DNAH7: variants seen among roughly 807,000 people sequenced by gnomAD.
DNAH7 encodes the protein axonemal beta dynein heavy chain 7.
In DNAH7, 397 loss-of-function variants were observed where a neutral mutation model predicts 444.6. The observed-to-expected ratio is 0.89, with a 90% CI of 0.82 to 0.97. The LOEUF is 0.97. DNAH7 is among the 50% of genes least tolerant of loss of function. DNAH7 has a pLI of 0.00. For synonymous variants in DNAH7, 1,636 were observed against 1,624.4 expected, an observed-to-expected ratio of 1.01 and a Z score of -0.17; for missense variants, 4,902 against 4,800.8, an observed-to-expected ratio of 1.02 and a Z score of -0.62.
intron 42 of DNAH7, among the ~76,000 whole-genome samples, chr2:195,860,328 G>T (rs545557959): frequency 2.0e-4 from 30 of 152,018 alleles, no homozygotes; most frequent in African/African-American, 7.0e-4. Context: ...ATCTCCAAGA[G>T]CTTTTGATCC....
In DNAH7 at chr2:195,906,730, G is replaced by A. The variant is rs168192; in HGVS notation, c.4264C>T (p.Pro1422Ser). 3 of 1,613,168 alleles carry A rather than the reference G, an allele frequency of 1.9e-6. No individual in the cohort carries two copies. The highest frequency in any genetic ancestry group is 2.5e-6 in the Non-Finnish European group (3 of 1,179,510). The change falls in exon 27 of 65, where the codon CCC becomes TCC. Residue 1422 changes from proline (P) to serine (S), a missense_variant. Pro to Ser is a moderately conservative substitution (Grantham distance 74). Coordinates refer to ENST00000312428, the MANE Select transcript of DNAH7 (RefSeq NM_018897.3). ...ATTGTTATAAAGACAGCACATGTGG[G>A]GTCAAGTTTTAGTTCAGTTCCTTCA... ...MFEGTELKLD[P>S]TCAVFITMNP...
chr2:195,749,416 C>G (rs10931710), intron 63 of DNAH7, among the ~76,000 whole-genome samples: 107,227 of 151,256 alleles, frequency 0.71, 38,112 homozygotes, highest in Non-Finnish European at 0.73. Context: ...TTGTGGAAGT[C>G]AGTGTGGCGA....
At chr2:195,920,898 G>A (rs573280575) in intron 24 of DNAH7, among the ~76,000 whole-genome samples, 29 of 152,208 alleles carry the variant, frequency 1.9e-4, no homozygotes, top group African/African-American at 6.7e-4. Flanking sequence ...ACAAAAAGTG[G>A]GTTATGGACA....
intron 57 of DNAH7, among the ~76,000 whole-genome samples, chr2:195,791,971 G>T (rs1695896346): frequency 6.6e-6 from 1 of 152,100 alleles, no homozygotes; most frequent in African/African-American, 2.4e-5. Flanking sequence ...TTTGAGACCA[G>T]CCTGGCCAAC....
At chr2:195,769,923 C>T (rs1254291820) in intron 61 of DNAH7, among the ~76,000 whole-genome samples, 5 of 152,202 alleles carry the variant, frequency 3.3e-5, no homozygotes, top group Admixed American at 1.3e-4. Context: ...TCTAACAACT[C>T]GACCTCCCCA....
intron 61 of DNAH7, among the ~76,000 whole-genome samples, chr2:195,758,678 A>C (rs969950761): frequency 2.6e-5 from 4 of 152,042 alleles, no homozygotes; most frequent in Non-Finnish European, 5.9e-5. Context: ...GCTGATGCCA[A>C]CCCTCCTCCA....
In DNAH7 at chr2:195,809,779, C is replaced by G. The variant is rs758676549; in HGVS notation, c.9854G>C (p.Cys3285Ser). The change falls in exon 52 of 65, where the codon TGT becomes TCT. Residue 3285 changes from cysteine (C) to serine (S), a missense_variant. Physicochemically the swap from Cys to Ser is moderately radical, Grantham distance 112 (BLOSUM62 -1). Transcript: ENST00000312428. ...FEKDKLLFSF[C>S]LTINLLLHER... ...ATGCAGCAGTAGATTTATGGTTAGA[C>G]AAAAGGAAAAGAGCAGCTTATCCTT... The G allele has an allele frequency of 6.3e-7, 1 of 1,598,020 alleles. No homozygotes were observed. The highest frequency in any genetic ancestry group is 8.5e-7 in the Non-Finnish European group (1 of 1,171,590).
chr2:195,999,904 G>A (rs540960750), intron 12 of DNAH7, among the ~76,000 whole-genome samples: 1 of 152,204 alleles, frequency 6.6e-6, no homozygotes, highest in Non-Finnish European at 1.5e-5. Flanking sequence ...CAAGTAGTAA[G>A]CCTATTTTTC....
At chr2:195,929,495 A>G in intron 21 of DNAH7, among the ~76,000 whole-genome samples, 1 of 152,228 alleles carries the variant, frequency 6.6e-6, no homozygotes, top group East Asian at 1.9e-4. Context: ...ATCATATCCA[A>G]CACAGCATGG....
intron 47 of DNAH7, among the ~76,000 whole-genome samples, chr2:195,836,459 T>G (rs1423663909): frequency 6.6e-6 from 1 of 151,404 alleles, no homozygotes. Flanking sequence ...ATTGTGTCAC[T>G]GTACTCCAGC....
At chr2:196,049,149 T>C (rs2125856370) in intron 3 of DNAH7, among the ~76,000 whole-genome samples, 1 of 152,292 alleles carries the variant, frequency 6.6e-6, no homozygotes, top group African/African-American at 2.4e-5. Flanking sequence ...CCCTTTCAAA[T>C]CCAAACCAAC....
At chr2:195,828,212 T>C (rs1265898131) in intron 48 of DNAH7, among the ~76,000 whole-genome samples, 1 of 152,206 alleles carries the variant, frequency 6.6e-6, no homozygotes, top group Non-Finnish European at 1.5e-5. Context: ...TTCCCCATTG[T>C]CTTAAGGTAT....
intron 15 of DNAH7, among the ~76,000 whole-genome samples, chr2:195,980,564 A>C (rs913543271): frequency 2.0e-5 from 3 of 152,224 alleles, no homozygotes; most frequent in African/African-American, 4.8e-5. Flanking sequence ...AAAATAGAAA[A>C]CTTTAAGATA....
chr2:196,061,367 A>G (rs12472050), intron 1 of DNAH7, among the ~76,000 whole-genome samples: 73,257 of 151,884 alleles, frequency 0.48, 20,310 homozygotes, highest in South Asian at 0.64. Flanking sequence ...CCCCACTCCT[A>G]TATTTGATTT....
chr2:195,977,903 C>T (rs1692308477), intron 15 of DNAH7, among the ~76,000 whole-genome samples: 4 of 152,108 alleles, frequency 2.6e-5, no homozygotes, highest in African/African-American at 9.7e-5. Flanking sequence ...GTGAAAATAT[C>T]CTTCAAACAT....
At chr2:195,999,750 A>T (rs73987651) in intron 12 of DNAH7, among the ~76,000 whole-genome samples, 3,838 of 152,264 alleles carry the variant, frequency 0.025, 151 homozygotes, top group African/African-American at 0.087. Flanking sequence ...AAAAAATTGG[A>T]AACTCAATGA....
chr2:195,970,204 T>A, intron 16 of DNAH7, 110 bp from the exon 17 acceptor site: 1 of 990,716 alleles, frequency 1.0e-6, no homozygotes, highest in Non-Finnish European at 1.4e-6. Context: ...TTGTCACTGG[T>A]AAAACATAAA....
chr2:195,864,188 G>A lies in DNAH7; in HGVS notation c.7467C>T (p.Phe2489=), dbSNP rs545278630. ...TGGTACAGCAGTTAACAAGAGCAGG[G>A]AACTTTCTAAGACGATTCCGAAATG... is the stretch of plus-strand genomic sequence containing the variant. The part of the protein sequence containing the change: ...GDAFRNRLRK[F]PALVNCCTID... The change falls in exon 41 of 65, where the codon TTC becomes TTT. Residue 2489 remains phenylalanine (F), a synonymous_variant. Transcript: ENST00000312428. The A allele has an allele frequency of 8.1e-6, 13 of 1,614,106 alleles. No homozygotes were observed. The Admixed American group carries it at 8.3e-5, about 10-fold the overall frequency.
chr2:195,888,301 C>G lies in DNAH7; in HGVS notation c.5363G>C (p.Arg1788Thr), dbSNP rs199678880. ...QKEFIMGLFDRMVPVSVEFIR... is the reference protein window; with the variant it reads ...QKEFIMGLFDTMVPVSVEFIR... ...AAATTCAACCGAAACAGGGACCATTCTGTCAAATAAGCCCATTATGAATTC... is the reference window on the plus strand; with the variant it reads ...AAATTCAACCGAAACAGGGACCATTGTGTCAAATAAGCCCATTATGAATTC... Residue 1788 changes from arginine (R) to threonine (T), a missense_variant, in exon 33 of 65, where the codon AGA (arginine) becomes ACA (threonine). By Grantham distance (71) the Arg-to-Thr change is moderately conservative (BLOSUM62 -1). Coordinates refer to ENST00000312428, the MANE Select transcript of DNAH7 (RefSeq NM_018897.3). The G allele has an allele frequency of 1.2e-6, 2 of 1,610,980 alleles. No individual in the cohort carries two copies. The highest frequency in any genetic ancestry group is 2.7e-5 in the African/African-American group (2 of 74,658).
Sources: allele counts gnomAD v4.1 joint callset (sites outside exome capture counted in the v4.1 genomes callset), GRCh38; gene constraint gnomAD v4.1.1; transcripts MANE v1.5; gene names NCBI Gene and HGNC (gene_info 2026-07-23, HGNC 2026-07-21).